The following AGBL4 variants were observed in gnomAD, a reference collection of about 807,000 sequenced individuals.
AGBL4 encodes AGBL carboxypeptidase 4.
A neutral mutation model predicts 66.4 loss-of-function variants in AGBL4; 58 were observed. The observed-to-expected ratio is 0.87, with a 90% CI of 0.71 to 1.09. AGBL4 has a LOEUF of 1.09. AGBL4 is among the 50% of genes least tolerant of loss of function. The pLI, the probability that AGBL4 is intolerant of heterozygous loss-of-function variation, is 0.00. For synonymous variants in AGBL4, 234 were observed against 222.9 expected, an observed-to-expected ratio of 1.05 and a Z score of -0.44; for missense variants, 579 against 631.0, an observed-to-expected ratio of 0.92 and a Z score of 0.88.
chr1:49,582,284 T>C (rs185023633), intron 3 of AGBL4, among the ~76,000 whole-genome samples: 3 of 152,216 alleles, frequency 2.0e-5, no homozygotes, highest in Admixed American at 1.3e-4. Flanking sequence ...GGTAAAATGT[T>C]TGGGGGAGGG....
intron 3 of AGBL4, among the ~76,000 whole-genome samples, chr1:49,696,018 A>C (rs746349808): frequency 1.3e-5 from 2 of 152,110 alleles, no homozygotes; most frequent in Non-Finnish European, 2.9e-5. Context: ...CAAGGGATAG[A>C]GCAAGCAGAA....
intron 1 of AGBL4, among the ~76,000 whole-genome samples, chr1:49,904,939 AAAAG>A (rs1465497974): frequency 1.3e-5 from 2 of 152,204 alleles, no homozygotes; most frequent in Non-Finnish European, 2.9e-5. Flanking sequence ...GAGTGACAAA[AAAAG>A]AGAACAATGC....
chr1:48,879,023 T>C (rs1649496147), intron 5 of AGBL4, among the ~76,000 whole-genome samples: 1 of 152,158 alleles, frequency 6.6e-6, no homozygotes, highest in Non-Finnish European at 1.5e-5. Context: ...CCAGATCTAA[T>C]TGTTCTTTGT....
chr1:48,657,654 TG>T (rs1003212037), intron 7 of AGBL4, among the ~76,000 whole-genome samples: 1 of 152,052 alleles, frequency 6.6e-6, no homozygotes, highest in Non-Finnish European at 1.5e-5. Context: ...GTGCAGTGGG[TG>T]GACAGCAAAC....
intron 4 of AGBL4, among the ~76,000 whole-genome samples, chr1:49,205,540 T>C (rs990492207): frequency 6.6e-6 from 1 of 151,992 alleles, no homozygotes; most frequent in Non-Finnish European, 1.5e-5. Flanking sequence ...AAAAGTGGTG[T>C]GGGAGTGTAA....
intron 2 of AGBL4, among the ~76,000 whole-genome samples, chr1:49,747,749 C>T (rs1278620914): frequency 1.3e-5 from 2 of 152,060 alleles, no homozygotes; most frequent in African/African-American, 2.4e-5. Flanking sequence ...ATGGAGATAT[C>T]GACTGATCTA....
intron 3 of AGBL4, among the ~76,000 whole-genome samples, chr1:49,555,373 A>G (rs1369539649): frequency 6.8e-6 from 1 of 147,346 alleles, no homozygotes; most frequent in Admixed American, 6.8e-5. Context: ...TGCATTTACA[A>G]TCCTTTAGCT....
intron 7 of AGBL4, among the ~76,000 whole-genome samples, chr1:48,656,030 G>A (rs942491095): frequency 6.6e-6 from 1 of 152,206 alleles, no homozygotes; most frequent in Non-Finnish European, 1.5e-5. Context: ...ACCTCCTTGA[G>A]ATCAGCCTTG....
intron 2 of AGBL4, among the ~76,000 whole-genome samples, chr1:49,805,580 G>A (rs1025148679): frequency 1.6e-4 from 24 of 152,206 alleles, no homozygotes; most frequent in African/African-American, 5.8e-4. Flanking sequence ...AACTGCTGAG[G>A]TGATGTCCTT....
chr1:49,838,814 A>C (rs1381916570), intron 2 of AGBL4, among the ~76,000 whole-genome samples: 1 of 152,184 alleles, frequency 6.6e-6, no homozygotes. Flanking sequence ...TACACATACT[A>C]TAATCATTCT....
At chr1:49,635,737 C>T (rs991384568) in intron 3 of AGBL4, among the ~76,000 whole-genome samples, 4 of 151,988 alleles carry the variant, frequency 2.6e-5, no homozygotes, top group Admixed American at 2.6e-4. Flanking sequence ...AATGAGGAAA[C>T]AAGTCAAGAG....
chr1:48,784,209 C>T (rs1183041229), intron 6 of AGBL4, among the ~76,000 whole-genome samples: 1 of 152,184 alleles, frequency 6.6e-6, no homozygotes, highest in Non-Finnish European at 1.5e-5. Context: ...CAGTGCCTGA[C>T]ACTGTGGTGA....
intron 6 of AGBL4, among the ~76,000 whole-genome samples, chr1:48,818,469 C>G (rs988353744): frequency 6.6e-6 from 1 of 152,058 alleles, no homozygotes; most frequent in South Asian, 2.1e-4. Context: ...CTGATTTTCA[C>G]AAGATAAAAA....
rs1020068483 is a variant in AGBL4, at chr1:49,381,562, C to T, written c.283-135698G>A. 5.3e-5 allele frequency among the ~76,000 whole-genome samples: 8 copies of T among 152,106 alleles called. 1 individual carries two copies. Among genetic ancestry groups the T allele is most frequent in the East Asian group, 3.9e-4 (2 of 5,182 alleles). On this transcript the variant is annotated intron_variant, in intron 3 of 13. Coordinates refer to ENST00000371839, the MANE Select transcript of AGBL4 (RefSeq NM_032785.4). Reference sequence around the variant, plus strand: ...ACATGCACACATATGTTTATTACGGCGTTATTCACAATAGCAAAGACTTGG... The same window carrying T: ...ACATGCACACATATGTTTATTACGGTGTTATTCACAATAGCAAAGACTTGG...
chr1:49,550,543 C>A (rs1248671063), intron 3 of AGBL4, among the ~76,000 whole-genome samples: 5 of 152,200 alleles, frequency 3.3e-5, no homozygotes, highest in African/African-American at 4.8e-5. Context: ...AAGACTGTAT[C>A]TTTCCTTCAT....
In AGBL4 at chr1:49,474,594, CT is replaced by C. The variant is rs537919561; in HGVS notation, c.282+222718del. 2.4e-4 allele frequency among the ~76,000 whole-genome samples: 36 copies of C among 148,178 alleles called. 1 individual carries two copies. The highest frequency in any genetic ancestry group is 1.2e-3 in the East Asian group (6 of 5,064). On this transcript the variant is annotated intron_variant, in intron 3 of 13. Transcript: ENST00000371839. ...TTCTTGACTTGGTTCTCAGCTTGAA[CT>C]TTTTTTTTTGGTGTATTAAAATGCT...
intron 5 of AGBL4, among the ~76,000 whole-genome samples, chr1:48,878,591 G>A (rs1649447812): frequency 6.6e-6 from 1 of 151,864 alleles, no homozygotes; most frequent in Admixed American, 6.6e-5. Context: ...ATTACCCTTG[G>A]CCACAGACAT....
intron 3 of AGBL4, among the ~76,000 whole-genome samples, chr1:49,390,658 C>T (rs1418223851): frequency 2.0e-5 from 3 of 152,138 alleles, no homozygotes; most frequent in Admixed American, 2.0e-4. Context: ...GTAGAGCTAC[C>T]ATTGGAACAC....
At chr1:49,448,041 G>C (rs1325317103) in intron 3 of AGBL4, among the ~76,000 whole-genome samples, 1 of 151,982 alleles carries the variant, frequency 6.6e-6, no homozygotes, top group African/African-American at 2.4e-5. Context: ...AAGAGTCAAT[G>C]GTATTTTCTC....
Sources: allele counts gnomAD v4.1 joint callset (sites outside exome capture counted in the v4.1 genomes callset), GRCh38; gene constraint gnomAD v4.1.1; transcripts MANE v1.5; gene names NCBI Gene and HGNC (gene_info 2026-07-23, HGNC 2026-07-21).